Variants in CELF2 observed in about 807,000 individuals in gnomAD.
CELF2 encodes the protein CUG triplet repeat RNA-binding protein 2.
Under a neutral mutation model 62.6 loss-of-function variants are expected in CELF2, and 8 were observed. That is an observed-to-expected ratio of 0.13 (90% CI 0.07 to 0.23). The LOEUF is 0.23. Among genes scored for constraint, CELF2 ranks in the 10% least tolerant of loss-of-function variants. The probability of loss-of-function intolerance (pLI) is 1.00; values close to 1 mark genes in which losing one functional copy is unlikely to be tolerated. For missense variants in CELF2, 333 were observed against 671.0 expected (o/e 0.50, Z 5.56); for synonymous variants, 258 against 250.0 (o/e 1.03, Z -0.30).
chr10:10,541,674 T>C, the CELF2 span, among the ~76,000 whole-genome samples: 1 of 152,214 alleles, frequency 6.6e-6, no homozygotes, highest in Non-Finnish European at 1.5e-5. Context: ...AGCATGCTAA[T>C]GCATTATAAT....
At chr10:10,539,444 A>T in the CELF2 span, among the ~76,000 whole-genome samples, 1 of 69,334 alleles carries the variant, frequency 1.4e-5, no homozygotes, top group African/African-American at 5.5e-5. Context: ...CCTCAACCCC[A>T]CCGCCACCCC....
chr10:10,564,462 C>T, the CELF2 span, among the ~76,000 whole-genome samples: 2 of 152,080 alleles, frequency 1.3e-5, no homozygotes, highest in Non-Finnish European at 2.9e-5. Context: ...CAACCCATCA[C>T]ACCTGTGAAG....
At chr10:11,069,376 C>T (rs1017529614) in intron 1 of CELF2, among the ~76,000 whole-genome samples, 2 of 152,170 alleles carry the variant, frequency 1.3e-5, no homozygotes, top group Admixed American at 6.5e-5. Context: ...TAAGTGAAAT[C>T]TCAGATTCTT....
the CELF2 span, among the ~76,000 whole-genome samples, chr10:10,633,697 T>C: frequency 5.0e-5 from 6 of 119,422 alleles, no homozygotes; most frequent in African/African-American, 1.8e-4. Context: ...TTTGAGATTA[T>C]TGAGTATGTC....
chr10:10,581,510 A>T, the CELF2 span, among the ~76,000 whole-genome samples: 1 of 152,120 alleles, frequency 6.6e-6, no homozygotes, highest in African/African-American at 2.4e-5. Flanking sequence ...AGGAAAGCTG[A>T]CACACCAACA....
the CELF2 span, among the ~76,000 whole-genome samples, chr10:10,702,838 C>T: frequency 6.6e-6 from 1 of 152,246 alleles, no homozygotes; most frequent in African/African-American, 2.4e-5. Flanking sequence ...CCCACCTAGG[C>T]CTCCCAAAGT....
At chr10:10,550,701 C>CG in the CELF2 span, among the ~76,000 whole-genome samples, 30 of 142,500 alleles carry the variant, frequency 2.1e-4, no homozygotes, top group Non-Finnish European at 2.5e-4. Flanking sequence ...CATGTGATGT[C>CG]TTTTTTTTTT....
chr10:10,923,386 G>A (rs1351427564), intron 2 of CELF2, among the ~76,000 whole-genome samples: 1 of 152,196 alleles, frequency 6.6e-6, no homozygotes, highest in Non-Finnish European at 1.5e-5. Context: ...GGTTGCATAA[G>A]GGTGGAGTAT....
At chr10:10,735,592 T>C in the CELF2 span, among the ~76,000 whole-genome samples, 1 of 152,216 alleles carries the variant, frequency 6.6e-6, no homozygotes, top group Non-Finnish European at 1.5e-5. Flanking sequence ...GACAGATGAA[T>C]ATCTATTTCA....
intron 1 of CELF2, among the ~76,000 whole-genome samples, chr10:10,901,217 C>T (rs905929994): frequency 6.6e-6 from 1 of 152,118 alleles, no homozygotes; most frequent in African/African-American, 2.4e-5. Context: ...AATCAAATAA[C>T]GTTGACAGAG....
chr10:10,849,999 T>A (rs1326285946), intron 1 of CELF2, among the ~76,000 whole-genome samples: 2 of 147,692 alleles, frequency 1.4e-5, no homozygotes, highest in Non-Finnish European at 3.0e-5. Context: ...AAAAAAAAAA[T>A]TAGCCGAGCA....
chr10:10,470,243 A>G, the CELF2 span, among the ~76,000 whole-genome samples: 5 of 151,842 alleles, frequency 3.3e-5, no homozygotes, highest in African/African-American at 1.2e-4. Context: ...CTCTACCGTC[A>G]TCCTTAGCAT....
At chr10:10,559,249 G>T in the CELF2 span, among the ~76,000 whole-genome samples, 1 of 152,178 alleles carries the variant, frequency 6.6e-6, no homozygotes, top group South Asian at 2.1e-4. Context: ...CACTGGTGAT[G>T]TGAAGAATTC....
chr10:11,274,182 C>T (rs372316347), intron 7 of CELF2, among the ~76,000 whole-genome samples: 11 of 152,252 alleles, frequency 7.2e-5, no homozygotes, highest in African/African-American at 2.7e-4. Context: ...TGCTTGCCCA[C>T]ACTGCTAACT....
intron 1 of CELF2, among the ~76,000 whole-genome samples, chr10:10,828,857 T>A (rs1268890551): frequency 6.6e-6 from 1 of 152,212 alleles, no homozygotes; most frequent in East Asian, 1.9e-4. Flanking sequence ...GATGAAGGAA[T>A]GCATGATCCC....
In CELF2 at chr10:11,214,756, T is replaced by C. The variant is rs968999316; in HGVS notation, c.272-2669T>C. 1.3e-5 allele frequency among the ~76,000 whole-genome samples: 2 copies of C among 152,236 alleles called. No homozygotes were observed. The highest frequency in any genetic ancestry group is 4.8e-5 in the African/African-American group (2 of 41,470). Reference sequence around the variant, plus strand: ...GGCATGATGTTAAAGAATACCTGTTTAGATGAGTGTACACTTTTAACTGAA... The same window carrying C: ...GGCATGATGTTAAAGAATACCTGTTCAGATGAGTGTACACTTTTAACTGAA... On this transcript the variant is annotated intron_variant, in intron 2 of 12. Transcript: ENST00000633077. This position sits in a 1 kb window ranked among gnomAD's most constrained non-coding sequence, Gnocchi z 4.2.
chr10:10,863,859 A>G (rs2060195165), intron 1 of CELF2, among the ~76,000 whole-genome samples: 1 of 152,208 alleles, frequency 6.6e-6, no homozygotes, highest in South Asian at 2.1e-4. Context: ...AGGACTTTCC[A>G]GCAGGACAAA....
At chr10:11,205,120 T>A (rs1020748466) in intron 2 of CELF2, among the ~76,000 whole-genome samples, 4 of 152,186 alleles carry the variant, frequency 2.6e-5, no homozygotes, top group African/African-American at 9.7e-5. Flanking sequence ...TTCAGAGTAT[T>A]CAAAGGCCAT....
chr10:10,572,772 T>G, the CELF2 span, among the ~76,000 whole-genome samples: 1 of 152,244 alleles, frequency 6.6e-6, no homozygotes, highest in Non-Finnish European at 1.5e-5. Context: ...GATGGGCATT[T>G]GGGTTGTTTC....
Sources: gnomAD v4.1 joint callset for allele counts (sites outside exome capture counted in the v4.1 genomes callset) on GRCh38, gnomAD v4.1.1 for gene constraint, Gnocchi (gnomAD v3.1) non-coding constraint, MANE v1.5 for transcripts, NCBI Gene and HGNC (gene_info 2026-07-23, HGNC 2026-07-21) for gene names.